Variants in SGCZ observed in about 807,000 individuals in gnomAD.
The protein encoded by SGCZ is sarcoglycan zeta, also known as zeta-sarcoglycan.
In SGCZ, 40 loss-of-function variants were observed where a neutral mutation model predicts 41.3. That is an observed-to-expected ratio of 0.97 (90% CI 0.75 to 1.26). The LOEUF is 1.26. Among genes scored for constraint, SGCZ ranks in the 50% most tolerant of loss-of-function variants. The pLI is 0.00. For synonymous variants in SGCZ, 206 were observed against 137.5 expected (o/e 1.50, Z -3.49); for missense variants, 552 against 369.8 (o/e 1.49, Z -4.04).
chr8:14,314,270 C>G (rs1230480599), intron 3 of SGCZ, among the ~76,000 whole-genome samples: 1 of 147,676 alleles, frequency 6.8e-6, no homozygotes, highest in Non-Finnish European at 1.5e-5. Flanking sequence ...TAATGAGGGT[C>G]TTCTATCATA....
intron 2 of SGCZ, among the ~76,000 whole-genome samples, chr8:14,328,511 A>C (rs1802200766): frequency 6.6e-6 from 1 of 152,214 alleles, no homozygotes; most frequent in Non-Finnish European, 1.5e-5. Flanking sequence ...TAAAGATTAC[A>C]TGAGGATGTA....
chr8:15,112,657 C>A (rs1199673082), intron 1 of SGCZ, among the ~76,000 whole-genome samples: 1 of 152,156 alleles, frequency 6.6e-6, no homozygotes, highest in Admixed American at 6.5e-5. Flanking sequence ...GCCACCATGC[C>A]GTGAGGAAGT....
At chr8:14,891,493 T>G (rs920979500) in intron 1 of SGCZ, among the ~76,000 whole-genome samples, 1 of 152,094 alleles carries the variant, frequency 6.6e-6, no homozygotes, top group Non-Finnish European at 1.5e-5. Context: ...GATAAAACAT[T>G]AGGATAATGA....
At chr8:14,514,736 T>C (rs566448762) in intron 2 of SGCZ, among the ~76,000 whole-genome samples, 10 of 148,148 alleles carry the variant, frequency 6.8e-5, no homozygotes, top group African/African-American at 2.0e-4. Flanking sequence ...TATTTACATA[T>C]ATGTAAATAT....
Position 14,660,591 on chromosome 8 carries a change from G to C in SGCZ, c.40-105665C>G, listed in dbSNP as rs1192619119. Among the ~76,000 whole-genome samples, 3 of 113,544 alleles carry C rather than the reference G, an allele frequency of 2.6e-5. 1 individual carries two copies. Among genetic ancestry groups the C allele is most frequent in the African/African-American group, 1.3e-4 (3 of 22,956 alleles). The allele number at this position is 113,544 out of a possible 152,430, so 74.5% of individuals were successfully genotyped here. On this transcript the variant is annotated intron_variant, in intron 1 of 7. Transcript: ENST00000382080. ...CATCTCAAAAAAAAAAAAAAAAAAA[G>C]AGAGAAAAGAAAAATAGCTGCAGTA...
intron 1 of SGCZ, among the ~76,000 whole-genome samples, chr8:15,124,672 T>C (rs527670767): frequency 6.6e-6 from 1 of 152,354 alleles, no homozygotes; most frequent in South Asian, 2.1e-4. Context: ...ATGAGTTTTA[T>C]GGTTGTGCAG....
chr8:14,238,949 G>C (rs886864683), intron 3 of SGCZ, among the ~76,000 whole-genome samples: 2 of 151,270 alleles, frequency 1.3e-5, no homozygotes, highest in African/African-American at 4.9e-5. Context: ...ATTTGGAATT[G>C]GTGATTTGGA....
At chr8:14,850,536 G>C (rs117722635) in intron 1 of SGCZ, among the ~76,000 whole-genome samples, 1 of 152,140 alleles carries the variant, frequency 6.6e-6, no homozygotes, top group Non-Finnish European at 1.5e-5. Flanking sequence ...GATAAGCTTT[G>C]GGAGGTAAAG....
chr8:14,907,352 C>T (rs1056178964), intron 1 of SGCZ, among the ~76,000 whole-genome samples: 1 of 151,936 alleles, frequency 6.6e-6, no homozygotes, highest in African/African-American at 2.4e-5. Flanking sequence ...ACCACTATGC[C>T]TGGATAATTT....
chr8:14,876,820 T>A (rs1298501355), intron 1 of SGCZ, among the ~76,000 whole-genome samples: 14 of 152,144 alleles, frequency 9.2e-5, no homozygotes. Context: ...AGCTACCAGA[T>A]GACATTCACT....
chr8:14,823,053 C>G (rs1802165986), intron 1 of SGCZ, among the ~76,000 whole-genome samples: 1 of 69,396 alleles, frequency 1.4e-5, no homozygotes, highest in Non-Finnish European at 2.2e-5. Context: ...CACCAATCCT[C>G]ATAAAAAAAA....
chr8:14,185,388 G>T lies in SGCZ; in HGVS notation c.425-20686C>A, dbSNP rs1804870297. Among the ~76,000 whole-genome samples the T allele has an allele frequency of 1.3e-5, 2 of 151,984 alleles. 1 individual carries two copies. The highest frequency in any genetic ancestry group is 4.1e-4 in the South Asian group (2 of 4,826). The stretch of plus-strand genomic sequence containing the variant: ...ACTGCACTCCAGCCTGGGCAACAGA[G>T]CAAGACTGTCTCTCAAAATAAATAA... On this transcript the variant is annotated intron_variant, in intron 4 of 7. Transcript: ENST00000382080.
intron 2 of SGCZ, among the ~76,000 whole-genome samples, chr8:14,421,416 T>C (rs935440901): frequency 2.0e-5 from 3 of 152,136 alleles, no homozygotes; most frequent in Admixed American, 2.0e-4. Context: ...TATTCACTGA[T>C]TAATGCATGT....
intron 1 of SGCZ, among the ~76,000 whole-genome samples, chr8:15,195,445 G>A (rs989178165): frequency 2.6e-5 from 4 of 152,068 alleles, no homozygotes; most frequent in Admixed American, 2.0e-4. Context: ...CTTAGTGCTC[G>A]GCAAGCTCAT....
intron 1 of SGCZ, among the ~76,000 whole-genome samples, chr8:14,573,026 T>A (rs922677551): frequency 4.6e-5 from 7 of 152,150 alleles, no homozygotes; most frequent in Non-Finnish European, 1.0e-4. Context: ...TAAAGAAATA[T>A]GCAAATGAAT....
chr8:14,112,286 G>GA (rs953936984), intron 5 of SGCZ, among the ~76,000 whole-genome samples: 1 of 111,258 alleles, frequency 9.0e-6, no homozygotes. Context: ...TTTTTTGTGG[G>GA]GGGGGGGTGC....
intron 1 of SGCZ, among the ~76,000 whole-genome samples, chr8:14,891,417 G>T (rs1050108534): frequency 6.6e-6 from 1 of 152,180 alleles, no homozygotes; most frequent in South Asian, 2.1e-4. Flanking sequence ...AGAGGAGGTA[G>T]AAAATGCAAA....
At chr8:14,273,823 T>C (rs907786996) in intron 3 of SGCZ, among the ~76,000 whole-genome samples, 3 of 152,100 alleles carry the variant, frequency 2.0e-5, no homozygotes, top group Non-Finnish European at 4.4e-5. Flanking sequence ...AACAAAATAT[T>C]TTATATTTTA....
intron 1 of SGCZ, among the ~76,000 whole-genome samples, chr8:15,122,827 G>C (rs557892722): frequency 6.6e-6 from 1 of 152,186 alleles, no homozygotes; most frequent in East Asian, 1.9e-4. Flanking sequence ...AGATTCAGGA[G>C]GTCTGGAAAA....
Sources: allele counts gnomAD v4.1 joint callset (sites outside exome capture counted in the v4.1 genomes callset), GRCh38; gene constraint gnomAD v4.1.1; transcripts MANE v1.5; gene names NCBI Gene and HGNC (gene_info 2026-07-23, HGNC 2026-07-21).